Variants in RBFOX1 observed in about 807,000 individuals in gnomAD.
RBFOX1 encodes the protein RNA binding protein fox-1 homolog 1.
RBFOX1 carries 8 observed loss-of-function variants against 57.7 expected under a neutral mutation model. That is an observed-to-expected ratio of 0.14 (90% CI 0.08 to 0.25). The LOEUF is 0.25. RBFOX1 is among the 10% of genes least tolerant of loss of function. RBFOX1 has a pLI of 1.00. For synonymous variants in RBFOX1, 326 were observed against 222.4 expected (o/e 1.47, Z -4.15); for missense variants, 611 against 548.5 (o/e 1.11, Z -1.14).
At chr16:7,588,896 A>T (rs2094284881) in intron 7 of RBFOX1, among the ~76,000 whole-genome samples, 1 of 152,170 alleles carries the variant, frequency 6.6e-6, no homozygotes, top group South Asian at 2.1e-4. Context: ...CCATGGCCAG[A>T]GTGATGTTGT....
At chr16:7,003,900 C>T (rs1340017812) in intron 3 of RBFOX1, 5 of 151,018 alleles carry the variant, frequency 3.3e-5, no homozygotes, top group African/African-American at 9.8e-5. Flanking sequence ...TTCAGTGGGT[C>T]AATGAAATGG....
At chr16:5,726,425 C>A (rs990981774) in intron 3 of RBFOX1, among the ~76,000 whole-genome samples, 1 of 152,176 alleles carries the variant, frequency 6.6e-6, no homozygotes, top group African/African-American at 2.4e-5. Context: ...GACAACAACC[C>A]CTCCATTGCC....
intron 2 of RBFOX1, among the ~76,000 whole-genome samples, chr16:6,504,654 C>A (rs2096040853): frequency 2.0e-5 from 3 of 152,176 alleles, no homozygotes; most frequent in Admixed American, 2.0e-4. Flanking sequence ...TGACCTGTCC[C>A]ACTGCCATGT....
chr16:5,349,806 G>T (rs571696367), intron 1 of RBFOX1, among the ~76,000 whole-genome samples: 23 of 152,354 alleles, frequency 1.5e-4, no homozygotes, highest in African/African-American at 5.5e-4. Flanking sequence ...CTGTGCTGGA[G>T]CTACCTTGGC....
At chr16:6,230,626 G>C (rs2097451963) in intron 1 of RBFOX1, among the ~76,000 whole-genome samples, 1 of 152,130 alleles carries the variant, frequency 6.6e-6, no homozygotes, top group Non-Finnish European at 1.5e-5. Context: ...GTATAAAGAG[G>C]TCTGATGAGG....
chr16:5,970,774 G>C (rs2059946401), intron 4 of RBFOX1, among the ~76,000 whole-genome samples: 1 of 152,210 alleles, frequency 6.6e-6, no homozygotes, highest in Non-Finnish European at 1.5e-5. Flanking sequence ...TGAAGTCTAT[G>C]ACTATATGGC....
At chr16:5,766,936 C>T (rs968791360) in intron 3 of RBFOX1, among the ~76,000 whole-genome samples, 1 of 152,228 alleles carries the variant, frequency 6.6e-6, no homozygotes, top group Non-Finnish European at 1.5e-5. Context: ...CGTGCTACTT[C>T]TTGCAAATAA....
chr16:7,138,880 C>G (rs57154097), intron 4 of RBFOX1, among the ~76,000 whole-genome samples: 50,864 of 152,010 alleles, frequency 0.33, 9,863 homozygotes, highest in East Asian at 0.64. Flanking sequence ...GTGATTTAGG[C>G]TCAGTGCAAG....
intron 4 of RBFOX1, among the ~76,000 whole-genome samples, chr16:7,072,174 C>T (rs1210952723): frequency 5.9e-5 from 9 of 152,190 alleles, no homozygotes. Flanking sequence ...TTATTAATAG[C>T]ACTTTCTTCT....
At chr16:7,262,314 T>TA (rs71147677) in intron 4 of RBFOX1, among the ~76,000 whole-genome samples, 1 of 44,964 alleles carries the variant, frequency 2.2e-5, no homozygotes, top group African/African-American at 9.1e-5. Flanking sequence ...CATTTCTCTA[T>TA]TTTTTTTTTC....
At chr16:6,447,098 A>G (rs1567294420) in intron 2 of RBFOX1, among the ~76,000 whole-genome samples, 1 of 152,224 alleles carries the variant, frequency 6.6e-6, no homozygotes, top group Non-Finnish European at 1.5e-5. Flanking sequence ...ACCGCACACC[A>G]GATTGCGAAC....
chr16:5,620,263 C>A (rs571194719), intron 3 of RBFOX1, among the ~76,000 whole-genome samples: 182 of 152,234 alleles, frequency 1.2e-3, no homozygotes, highest in African/African-American at 4.0e-3. Context: ...TAGGGATCCA[C>A]CCAACACATG....
chr16:6,976,723 T>C (rs2086961216), intron 3 of RBFOX1, among the ~76,000 whole-genome samples: 1 of 148,580 alleles, frequency 6.7e-6, no homozygotes, highest in Non-Finnish European at 1.5e-5. Context: ...ACATATCATA[T>C]ATATCATGTA....
chr16:7,213,426 G>A (rs1032330953), intron 4 of RBFOX1, among the ~76,000 whole-genome samples: 2 of 152,120 alleles, frequency 1.3e-5, no homozygotes, highest in African/African-American at 4.8e-5. Flanking sequence ...ACCATTGCCT[G>A]ACATTAAAGA....
intron 3 of RBFOX1, among the ~76,000 whole-genome samples, chr16:6,892,786 C>G (rs796948093): frequency 2.7e-5 from 2 of 72,786 alleles, no homozygotes; most frequent in Non-Finnish European, 6.2e-5. Context: ...CTCTCTCTCT[C>G]TCTCTCTCTC....
At chr16:7,517,744 C>G (rs2152166213) in intron 4 of RBFOX1, among the ~76,000 whole-genome samples, 1 of 150,280 alleles carries the variant, frequency 6.7e-6, no homozygotes, top group South Asian at 2.1e-4. Flanking sequence ...CTTTAAGTAT[C>G]AAATCAAGGT....
At chr16:7,708,258 T>G (rs981587174) in intron 14 of RBFOX1, among the ~76,000 whole-genome samples, 1 of 132,380 alleles carries the variant, frequency 7.6e-6, no homozygotes, top group Non-Finnish European at 1.7e-5. Context: ...AAAAAAAAAG[T>G]TAACTTCCAG....
intron 1 of RBFOX1, among the ~76,000 whole-genome samples, chr16:6,082,176 C>CT (rs58215856): frequency 0.046 from 4,140 of 89,898 alleles, 352 homozygotes; most frequent in African/African-American, 0.087. Context: ...AATACCAGTG[C>CT]TTTTTTTTTT....
intron 3 of RBFOX1, among the ~76,000 whole-genome samples, chr16:6,734,877 C>T (rs11642879): frequency 0.65 from 98,258 of 152,048 alleles, 33,579 homozygotes; most frequent in Non-Finnish European, 0.77. Context: ...TAGTTCTTGA[C>T]GCCTAGTAAA....
Sources: allele counts gnomAD v4.1 joint callset (sites outside exome capture counted in the v4.1 genomes callset), GRCh38; gene constraint gnomAD v4.1.1; transcripts MANE v1.5; gene names NCBI Gene and HGNC (gene_info 2026-07-23, HGNC 2026-07-21).